SMARCAL1: variants seen among roughly 807,000 people sequenced by gnomAD.
SMARCAL1 encodes the protein ATP-driven annealing helicase.
In SMARCAL1, 58 loss-of-function variants were observed where a neutral mutation model predicts 94.5. The observed-to-expected ratio is 0.61, with a 90% CI of 0.50 to 0.76. The LOEUF is 0.76. Among genes scored for constraint, SMARCAL1 ranks in the 30% least tolerant of loss-of-function variants. SMARCAL1 has a pLI of 0.00. For synonymous variants in SMARCAL1, 422 were observed against 455.1 expected, an observed-to-expected ratio of 0.93 and a Z score of 0.93; for missense variants, 1,051 against 1,177.9, an observed-to-expected ratio of 0.89 and a Z score of 1.58.
At chr2:216,451,937 T>G (rs540521166) in intron 12 of SMARCAL1, among the ~76,000 whole-genome samples, 1 of 151,822 alleles carries the variant, frequency 6.6e-6, no homozygotes, top group South Asian at 2.1e-4. Context: ...ATCTCAGCCT[T>G]CTGGGAGGTT....
At position 216,475,911 on chromosome 2, in the gene SMARCAL1, G is replaced by A. The variant is rs1574484621; in HGVS notation, c.2427+460G>A. 6.6e-6 allele frequency among the ~76,000 whole-genome samples: 1 copy of A among 152,152 alleles called. No individual in the cohort carries two copies. Reference sequence around the variant, plus strand: ...TCTCATAGGAGGAAGTTAGGGCACCGAGAGCTCAAGGGGTGAGGCAGGACT... The same window carrying A: ...TCTCATAGGAGGAAGTTAGGGCACCAAGAGCTCAAGGGGTGAGGCAGGACT... On this transcript the variant is annotated intron_variant, in intron 15 of 17. Coordinates refer to ENST00000357276, the MANE Select transcript of SMARCAL1 (RefSeq NM_014140.4). The surrounding 1 kb of genome is among the most constrained non-coding windows in gnomAD (Gnocchi z 4.4).
intron 1 of SMARCAL1, chr2:216,413,045 TCTG>T (rs1452175770): frequency 6.6e-6 from 1 of 151,974 alleles, no homozygotes; most frequent in Non-Finnish European, 1.5e-5. Context: ...ACTGAGGGCT[TCTG>T]CTGTGCACCT....
At chr2:216,438,597 A>G in intron 10 of SMARCAL1, 112 bp downstream of exon 10, 2 of 883,590 alleles carry the variant, frequency 2.3e-6, no homozygotes, top group Non-Finnish European at 3.7e-6. Context: ...CCTGTGGGCC[A>G]TGGTCATGAC....
At chr2:216,422,207 C>A (rs1693738043) in intron 5 of SMARCAL1, among the ~76,000 whole-genome samples, 1 of 152,208 alleles carries the variant, frequency 6.6e-6, no homozygotes, top group African/African-American at 2.4e-5. Flanking sequence ...CATGGTGAAA[C>A]CCTGTCTACT....
At chr2:216,478,369 G>T in intron 17 of SMARCAL1, 70 bp downstream of exon 17, 3 of 1,194,326 alleles carry the variant, frequency 2.5e-6, no homozygotes, top group Non-Finnish European at 3.7e-6. Context: ...AAGTCTTTGG[G>T]TCCTGAGTAG....
At chr2:216,467,210 C>T (rs921975418) in intron 13 of SMARCAL1, among the ~76,000 whole-genome samples, 1 of 152,102 alleles carries the variant, frequency 6.6e-6, no homozygotes, top group African/African-American at 2.4e-5. Flanking sequence ...GTGGCTCACG[C>T]CTGTAATCTC....
rs1033930513 is a variant in SMARCAL1, at chr2:216,475,928, G to A, written c.2427+477G>A. On this transcript the variant is annotated intron_variant, in intron 15 of 17. Coordinates refer to ENST00000357276, the MANE Select transcript of SMARCAL1 (RefSeq NM_014140.4). This position sits in a 1 kb window ranked among gnomAD's most constrained non-coding sequence, Gnocchi z 4.4. Reference sequence around the variant, plus strand: ...AGGGCACCGAGAGCTCAAGGGGTGAGGCAGGACTGCACTGCCATAACTGAA... The same window carrying A: ...AGGGCACCGAGAGCTCAAGGGGTGAAGCAGGACTGCACTGCCATAACTGAA... Among the ~76,000 whole-genome samples, 2 of 151,932 alleles carry A rather than the reference G, an allele frequency of 1.3e-5. No homozygotes were observed. Among genetic ancestry groups the A allele is most frequent in the African/African-American group, 4.8e-5 (2 of 41,352 alleles).
intron 12 of SMARCAL1, among the ~76,000 whole-genome samples, chr2:216,459,252 A>G (rs1429623547): frequency 6.6e-6 from 1 of 152,210 alleles, no homozygotes. Context: ...GAAAATGGCC[A>G]TACTGCCCAG....
At chr2:216,442,068 G>T (rs1574462694) in intron 10 of SMARCAL1, among the ~76,000 whole-genome samples, 1 of 152,088 alleles carries the variant, frequency 6.6e-6, no homozygotes, top group African/African-American at 2.4e-5. Flanking sequence ...GTGGCTAAAA[G>T]GTATAAGGTT....
chr2:216,480,593 C>T lies in SMARCAL1; in HGVS notation c.2626-2145C>T, dbSNP rs1243287663. On this transcript the variant is annotated intron_variant, in intron 17 of 17. Coordinates refer to ENST00000357276, the MANE Select transcript of SMARCAL1 (RefSeq NM_014140.4). The stretch of plus-strand genomic sequence containing the variant: ...GCCTTGATGATCTTTCATATCATTT[C>T]CCTCTCTGCAAGGCTGGGATCCTGA... 4.6e-5 allele frequency among the ~76,000 whole-genome samples: 7 copies of T among 152,270 alleles called. No individual in the cohort carries two copies. The East Asian group carries it at 1.3e-3, about 29-fold the overall frequency.
intron 15 of SMARCAL1, among the ~76,000 whole-genome samples, chr2:216,476,677 A>G (rs1454777219): frequency 1.3e-5 from 2 of 152,234 alleles, no homozygotes; most frequent in African/African-American, 4.8e-5. Context: ...AATCATGGAT[A>G]GCCTCTCCCT....
At chr2:216,462,309 A>G (rs543173572) in intron 12 of SMARCAL1, among the ~76,000 whole-genome samples, 7 of 152,222 alleles carry the variant, frequency 4.6e-5, no homozygotes, top group African/African-American at 1.4e-4. Flanking sequence ...TCTCTGAAGG[A>G]CACGAGTAAA....
chr2:216,428,138 G>A (rs954014345), intron 6 of SMARCAL1, among the ~76,000 whole-genome samples: 3 of 152,196 alleles, frequency 2.0e-5, no homozygotes, highest in African/African-American at 7.2e-5. Context: ...GTGATAGCCT[G>A]CAGGACAGCA....
intron 8 of SMARCAL1, 127 bp downstream of exon 8, chr2:216,432,995 G>C (rs1694000530): frequency 8.0e-7 from 1 of 1,248,858 alleles, no homozygotes; most frequent in Non-Finnish European, 1.2e-6. Flanking sequence ...GGCAAAGGCA[G>C]GAAGAGAGAT....
chr2:216,422,020 T>C (rs1250644354), intron 5 of SMARCAL1, among the ~76,000 whole-genome samples: 2 of 152,116 alleles, frequency 1.3e-5, no homozygotes, highest in African/African-American at 4.8e-5. Context: ...GATGAGCTGC[T>C]CCACGACAGT....
chr2:216,474,454 GA>G (rs111287911), intron 14 of SMARCAL1, among the ~76,000 whole-genome samples: 30,462 of 115,340 alleles, frequency 0.26, 4,068 homozygotes, highest in Non-Finnish European at 0.33. Context: ...GTGCATTCTT[GA>G]AAAAAAAAAA....
rs1470200761 is a variant in SMARCAL1 at position 216,450,964 on chromosome 2, A to G, written c.1970A>G (p.Lys657Arg). ...KSDVLSQLPA[K>R]QRKIVVIAPG... Reference sequence around the variant, plus strand: ...GACGTCCTTTCCCAGCTGCCTGCCAAGCAGCGCAAGATAGTGGTGATTGCC... The same window carrying G: ...GACGTCCTTTCCCAGCTGCCTGCCAGGCAGCGCAAGATAGTGGTGATTGCC... Residue 657 changes from lysine to arginine, a missense_variant, in exon 12 of 18, where the codon AAG (lysine) becomes AGG (arginine). By Grantham distance (26) the Lys-to-Arg change is conservative. Around this residue, in one of 3 missense-constraint regions of SMARCAL1, gnomAD observed 642 missense variants for 754.7 expected, o/e 0.85. Coordinates refer to ENST00000357276, the MANE Select transcript of SMARCAL1 (RefSeq NM_014140.4). The G allele has an allele frequency of 4.3e-6, 7 of 1,614,208 alleles. No individual in the cohort carries two copies. The highest frequency in any genetic ancestry group is 3.3e-5 in the Admixed American group (2 of 60,034).
At position 216,482,966 on chromosome 2, in the gene SMARCAL1, T is replaced by A; in HGVS notation, c.2854T>A (p.Ser952Thr). 1 of 1,613,920 alleles carries A rather than the reference T, an allele frequency of 6.2e-7. No homozygotes were observed. ...TTTTGATAACTGGGACAGCTTTACG[T>A]CTCCCCTGTAAAAGGGGCAAAAAGA... Reference protein sequence around the residue: ...EFFDNWDSFTSPL With the variant: ...EFFDNWDSFTTPL The change falls in exon 18 of 18, where the codon TCT (serine) becomes ACT (threonine). Residue 952 changes from serine (S) to threonine (T), a missense_variant. Ser to Thr is a moderately conservative substitution (Grantham distance 58). This residue lies in a region of SMARCAL1 where 642 missense variants were observed against 754.7 expected (regional missense o/e 0.85). Coordinates refer to ENST00000357276, the MANE Select transcript of SMARCAL1 (RefSeq NM_014140.4). The surrounding 1 kb of genome is among the most constrained non-coding windows in gnomAD (Gnocchi z 4.3).
chr2:216,461,900 A>G (rs1694715652), intron 12 of SMARCAL1, among the ~76,000 whole-genome samples: 1 of 152,032 alleles, frequency 6.6e-6, no homozygotes, highest in Non-Finnish European at 1.5e-5. Flanking sequence ...TAATTTTGCT[A>G]ATCGTTTTGT....
Sources: allele counts gnomAD v4.1 joint callset (sites outside exome capture counted in the v4.1 genomes callset), GRCh38; gene constraint gnomAD v4.1.1; regional missense constraint gnomAD v4.1.1; non-coding constraint Gnocchi (gnomAD v3.1); transcripts MANE v1.5; gene names NCBI Gene and HGNC (gene_info 2026-07-23, HGNC 2026-07-21).